SYNE1: variants seen among roughly 807,000 people sequenced by gnomAD.
The protein encoded by SYNE1 is spectrin repeat containing nuclear envelope protein 1.
SYNE1 carries 616 observed loss-of-function variants against 1,111.0 expected under a neutral mutation model. The ratio of observed to expected loss-of-function variants is 0.55; its 90% confidence interval spans 0.52 to 0.59. The LOEUF is 0.59. Among genes scored for constraint, SYNE1 ranks in the 20% least tolerant of loss-of-function variants. The pLI is 0.00. For missense variants in SYNE1, 10,006 were observed against 10,417.0 expected (o/e 0.96, Z 1.72); for synonymous variants, 3,855 against 3,825.8 (o/e 1.01, Z -0.28).
At chr6:152,482,769 T>C (rs1316744071) in intron 14 of SYNE1, among the ~76,000 whole-genome samples, 2 of 152,080 alleles carry the variant, frequency 1.3e-5, no homozygotes, top group Non-Finnish European at 2.9e-5. Context: ...CCGGCCACAT[T>C]ATTATGTAAA....
Position 152,136,535 on chromosome 6 carries a change from A to C in SYNE1, c.25659+83T>G, listed in dbSNP as rs2057117907. On this transcript the variant is annotated intron_variant, in intron 141 of 145. Coordinates refer to ENST00000367255, the MANE Select transcript of SYNE1 (RefSeq NM_182961.4). The stretch of plus-strand genomic sequence containing the variant: ...TTGGGGAGCAACTGCGTCCCTCTAG[A>C]AACCATGATACATCAAGTCACACAC... 76 of 1,558,764 alleles carry C rather than the reference A, an allele frequency of 4.9e-5. 2 individuals carry two copies. The South Asian group carries it at 8.6e-4, about 18-fold the overall frequency.
At chr6:152,380,247 T>C (rs945137147) in intron 56 of SYNE1, among the ~76,000 whole-genome samples, 7 of 152,100 alleles carry the variant, frequency 4.6e-5, no homozygotes, top group Non-Finnish European at 1.0e-4. Flanking sequence ...GTAATATAAA[T>C]AGGAGCAGAG....
chr6:152,167,152 C>T (rs1316811736), intron 130 of SYNE1, among the ~76,000 whole-genome samples: 4 of 152,174 alleles, frequency 2.6e-5, no homozygotes, highest in Non-Finnish European at 5.9e-5. Flanking sequence ...CAGTGTGTAT[C>T]ACAGGCACTT....
Position 152,616,073 on chromosome 6 carries a change from G to A in SYNE1, c.67+12192C>T, listed in dbSNP as rs1208691823. ...TCAGTATGACTTAAATGTTTTTGGT[G>A]GGAAACTTGATATTGAAATAATTAA... On this transcript the variant is annotated intron_variant, in intron 3 of 145. Transcript: ENST00000367255. 2.0e-5 allele frequency among the ~76,000 whole-genome samples: 3 copies of A among 152,150 alleles called. No individual in the cohort carries two copies. The East Asian group carries it at 5.8e-4, about 29-fold the overall frequency.
intron 58 of SYNE1, among the ~76,000 whole-genome samples, chr6:152,373,801 GTAAAA>G (rs775945612): frequency 1.1e-4 from 17 of 152,192 alleles, no homozygotes; most frequent in Non-Finnish European, 2.4e-4. Context: ...GATAAGAGCT[GTAAAA>G]TAAAATAAAC....
rs150566573 is a variant in SYNE1 at position 152,543,846 on chromosome 6, G to A, written c.68-3825C>T. 2.2e-3 allele frequency among the ~76,000 whole-genome samples: 336 copies of A among 152,260 alleles called. 1 individual carries two copies. Among genetic ancestry groups the A allele is most frequent in the African/African-American group, 7.8e-3 (326 of 41,534 alleles). ...ACAATATTCAGTACAGTCACATGCT[G>A]TACAAGTTTGTAGCCTAGGAGTAAT... On this transcript the variant is annotated intron_variant, in intron 3 of 145. Transcript: ENST00000367255.
At chr6:152,449,462 C>T (rs551556048) in intron 28 of SYNE1, 71 bp downstream of exon 28, 13 of 1,150,448 alleles carry the variant, frequency 1.1e-5, no homozygotes, top group South Asian at 7.5e-5. Context: ...AGCAGAGAAC[C>T]GTTAGATTCT....
chr6:152,408,841 TAC>T (rs2097951589), intron 44 of SYNE1, among the ~76,000 whole-genome samples: 1 of 151,854 alleles, frequency 6.6e-6, no homozygotes. Context: ...TAATCCCAGC[TAC>T]TCTCAGGGGC....
chr6:152,178,910 C>CTTTTT (rs750037655), intron 129 of SYNE1, among the ~76,000 whole-genome samples: 3 of 115,564 alleles, frequency 2.6e-5, no homozygotes, highest in East Asian at 2.7e-4. Flanking sequence ...TCACCCAATT[C>CTTTTT]TTTTTTTTTT....
Position 152,309,947 on chromosome 6 carries a change from C to T in SYNE1, c.17090G>A (p.Arg5697Gln), listed in dbSNP as rs762894220. Residue 5697 changes from arginine to glutamine, a missense_variant, in exon 90 of 146, where the codon CGG becomes CAG. By Grantham distance (43) the Arg-to-Gln change is conservative. This residue lies in a region of SYNE1 where 4,955 missense variants were observed against 5,017.2 expected (regional missense o/e 0.99). Coordinates refer to ENST00000367255, the MANE Select transcript of SYNE1 (RefSeq NM_182961.4). ...QAVQLCQSALRIPEDVVASLP... is the reference protein window; with the variant it reads ...QAVQLCQSALQIPEDVVASLP... ...GCTGGCAACCACATCCTCGGGGATC[C>T]GGAGGGCACTCTGGCAGAGCTGCAC... 1.6e-5 allele frequency: 26 copies of T among 1,613,998 alleles called. No homozygotes were observed. Among genetic ancestry groups the T allele is most frequent in the African/African-American group, 9.3e-5 (7 of 74,912 alleles).
chr6:152,521,217 C>G (rs894182952), intron 5 of SYNE1, among the ~76,000 whole-genome samples: 1 of 152,128 alleles, frequency 6.6e-6, no homozygotes, highest in African/African-American at 2.4e-5. Flanking sequence ...CACTGTATTT[C>G]ATTCATTTCA....
intron 10 of SYNE1, among the ~76,000 whole-genome samples, chr6:152,501,464 G>T (rs1362681265): frequency 6.6e-6 from 1 of 152,166 alleles, no homozygotes; most frequent in Admixed American, 6.5e-5. Flanking sequence ...GCCAGGCGTG[G>T]TGGCTCATGC....
At chr6:152,489,976 C>CCTCAGCG (rs1485977173) in intron 11 of SYNE1, among the ~76,000 whole-genome samples, 1 of 152,152 alleles carries the variant, frequency 6.6e-6, no homozygotes, top group African/African-American at 2.4e-5. Flanking sequence ...TCTCTATGAT[C>CCTCAGCG]CTGTGACAAC....
intron 59 of SYNE1, among the ~76,000 whole-genome samples, chr6:152,372,517 T>C (rs1046116339): frequency 1.3e-5 from 2 of 152,216 alleles, no homozygotes; most frequent in Non-Finnish European, 2.9e-5. Context: ...AAAATAATTA[T>C]ATTGTGGCAG....
At chr6:152,440,675 C>G (rs1322604308) in intron 32 of SYNE1, among the ~76,000 whole-genome samples, 1 of 147,386 alleles carries the variant, frequency 6.8e-6, no homozygotes, top group Non-Finnish European at 1.5e-5. Context: ...TCAAGCGATT[C>G]TCCTGCCTCA....
intron 11 of SYNE1, among the ~76,000 whole-genome samples, chr6:152,493,518 A>ACTTTACATT (rs1202652763): frequency 6.6e-6 from 1 of 151,310 alleles, no homozygotes; most frequent in Non-Finnish European, 1.5e-5. Context: ...CCTTTCTCAT[A>ACTTTACATT]CTTTACTTTC....
At chr6:152,233,692 T>C (rs1588377112) in intron 112 of SYNE1, 89 bp downstream of exon 112, 3 of 1,506,334 alleles carry the variant, frequency 2.0e-6, no homozygotes, top group African/African-American at 1.4e-5. Context: ...AAAGCTGATA[T>C]AAATTTGTGA....
At chr6:152,306,487 A>AAAATAAAT (rs56931883) in intron 91 of SYNE1, among the ~76,000 whole-genome samples, 13,018 of 142,394 alleles carry the variant, frequency 0.091, 651 homozygotes, top group Admixed American at 0.13. Flanking sequence ...CTCCATCTAA[A>AAAATAAAT]AAATAAATAA....
At chr6:152,176,772 G>C (rs2066547480) in intron 129 of SYNE1, among the ~76,000 whole-genome samples, 1 of 151,960 alleles carries the variant, frequency 6.6e-6, no homozygotes, top group Non-Finnish European at 1.5e-5. Context: ...TTTTTATATA[G>C]AGGTTCTCGA....
Sources: allele counts gnomAD v4.1 joint callset (sites outside exome capture counted in the v4.1 genomes callset), GRCh38; gene constraint gnomAD v4.1.1; regional missense constraint gnomAD v4.1.1; transcripts MANE v1.5; gene names NCBI Gene and HGNC (gene_info 2026-07-23, HGNC 2026-07-21).